The following OR51B5 variants were observed in gnomAD, a reference collection of about 807,000 sequenced individuals.
The protein encoded by OR51B5 is olfactory receptor 51B5.
For missense variants in OR51B5, 456 were observed against 374.6 expected, an observed-to-expected ratio of 1.22 and a Z score of -1.79; for synonymous variants, 186 against 144.8, an observed-to-expected ratio of 1.28 and a Z score of -2.04.
intron 1 of OR51B5, chr11:5,389,818 C>G (rs375607959): frequency 3.1e-6 from 5 of 1,613,966 alleles, no homozygotes; most frequent in Non-Finnish European, 4.2e-6. Flanking sequence ...CCATCTGCCA[C>G]CCTCTGAGGT....
intron 1 of OR51B5, among the ~76,000 whole-genome samples, chr11:5,461,713 T>G (rs1016705570): frequency 6.6e-6 from 1 of 152,174 alleles, no homozygotes; most frequent in Non-Finnish European, 1.5e-5. Flanking sequence ...ATGGGGATTG[T>G]GGGTTCTCCT....
At chr11:5,381,409 A>G (rs2647546) in intron 1 of OR51B5, among the ~76,000 whole-genome samples, 81,295 of 152,102 alleles carry the variant, frequency 0.53, 22,235 homozygotes, top group South Asian at 0.69. Flanking sequence ...GATTACCCAC[A>G]GTGATAGAGA....
At chr11:5,454,494 C>A in intron 1 of OR51B5, 1 of 1,257,840 alleles carries the variant, frequency 8.0e-7, no homozygotes, top group Non-Finnish European at 1.1e-6. Context: ...TCGTCATCAT[C>A]ATCATCAAAG....
chr11:5,443,511 G>GT (rs79669964), intron 1 of OR51B5, among the ~76,000 whole-genome samples: 16,532 of 145,390 alleles, frequency 0.11, 1,270 homozygotes, highest in African/African-American at 0.22. Flanking sequence ...GTTCAGATCT[G>GT]TTTTTTTTTT....
intron 1 of OR51B5, among the ~76,000 whole-genome samples, chr11:5,492,713 T>G (rs1851597970): frequency 6.6e-6 from 1 of 152,206 alleles, no homozygotes; most frequent in Non-Finnish European, 1.5e-5. Flanking sequence ...CTCGACTTAC[T>G]GCAACCTCTG....
intron 1 of OR51B5, chr11:5,456,655 T>C (rs1850965262): frequency 6.6e-6 from 1 of 152,226 alleles, no homozygotes; most frequent in Non-Finnish European, 1.5e-5. Flanking sequence ...TGCAGGTTTG[T>C]TACATGAGTA....
chr11:5,430,950 G>C, intron 1 of OR51B5: 1 of 457,002 alleles, frequency 2.2e-6, no homozygotes, highest in Non-Finnish European at 4.4e-6. Context: ...AGACATAAGA[G>C]ACCACGATAA....
chr11:5,455,729 T>C (rs1850947808), intron 1 of OR51B5: 1 of 152,124 alleles, frequency 6.6e-6, no homozygotes, highest in African/African-American at 2.4e-5. Flanking sequence ...TTTTTCTCTT[T>C]GTATTGAGGA....
At chr11:5,495,338 T>A (rs1472260479) in intron 1 of OR51B5, among the ~76,000 whole-genome samples, 1 of 152,216 alleles carries the variant, frequency 6.6e-6, no homozygotes, top group East Asian at 1.9e-4. Flanking sequence ...TGGTAATGTG[T>A]AACTCACTTT....
intron 1 of OR51B5, among the ~76,000 whole-genome samples, chr11:5,381,952 A>AG (rs1849614587): frequency 6.6e-6 from 1 of 152,232 alleles, no homozygotes; most frequent in African/African-American, 2.4e-5. Context: ...CTACGTAAAA[A>AG]GCTGTCAATT....
At chr11:5,422,210 G>T (rs1850350414) in intron 1 of OR51B5, 1 of 1,608,420 alleles carries the variant, frequency 6.2e-7, no homozygotes, top group East Asian at 2.2e-5. Flanking sequence ...CATGTCCCAG[G>T]TGACTAACAC....
At chr11:5,460,267 A>G (rs1378298163) in intron 1 of OR51B5, among the ~76,000 whole-genome samples, 1 of 152,206 alleles carries the variant, frequency 6.6e-6, no homozygotes, top group Non-Finnish European at 1.5e-5. Context: ...GAGGGAGAGG[A>G]TCAAAAAGAA....
At chr11:5,454,006 T>G in intron 1 of OR51B5, 2 of 1,614,048 alleles carry the variant, frequency 1.2e-6, no homozygotes, top group Non-Finnish European at 1.7e-6. Context: ...AGATCCAATG[T>G]TCTTTCTCAC....
chr11:5,427,358 A>G (rs1850466621), intron 1 of OR51B5, among the ~76,000 whole-genome samples: 1 of 147,166 alleles, frequency 6.8e-6, no homozygotes, highest in Non-Finnish European at 1.5e-5. Context: ...TTGAACAGTT[A>G]GGTAAGTGAA....
At chr11:5,497,611 G>A (rs1341615077) in intron 1 of OR51B5, among the ~76,000 whole-genome samples, 4 of 152,126 alleles carry the variant, frequency 2.6e-5, no homozygotes, top group East Asian at 1.9e-4. Context: ...AAGTTGAGGG[G>A]TAGAAGGACT....
At chr11:5,392,838 G>C (rs1849816360) in intron 1 of OR51B5, 1 of 152,158 alleles carries the variant, frequency 6.6e-6, no homozygotes, top group Non-Finnish European at 1.5e-5. Flanking sequence ...CGTGAACCCA[G>C]GAGGTGGAGC....
intron 1 of OR51B5, among the ~76,000 whole-genome samples, chr11:5,349,980 C>T (rs1223466841): frequency 6.6e-6 from 1 of 152,014 alleles, no homozygotes; most frequent in Non-Finnish European, 1.5e-5. Flanking sequence ...TCCTAAAAAC[C>T]CCATCATCAT....
chr11:5,385,469 T>C (rs989989706), intron 1 of OR51B5: 1 of 151,384 alleles, frequency 6.6e-6, no homozygotes, highest in Non-Finnish European at 1.5e-5. Context: ...GTGAGTACTT[T>C]ATTTATTCAC....
chr11:5,370,199 T>C (rs1157547610), intron 1 of OR51B5, among the ~76,000 whole-genome samples: 1 of 152,204 alleles, frequency 6.6e-6, no homozygotes, highest in Non-Finnish European at 1.5e-5. Flanking sequence ...GTATTTATTA[T>C]TATCATTAAC....
Sources: gnomAD v4.1 joint callset for allele counts (sites outside exome capture counted in the v4.1 genomes callset) on GRCh38, gnomAD v4.1.1 for gene constraint, MANE v1.5 for transcripts, NCBI Gene and HGNC (gene_info 2026-07-23, HGNC 2026-07-21) for gene names.